The following EHD4 variants were observed in gnomAD, a reference collection of about 807,000 sequenced individuals.
EHD4 encodes EH domain-containing protein 4.
A neutral mutation model predicts 51.0 loss-of-function variants in EHD4; 37 were observed. That is an observed-to-expected ratio of 0.73 (90% CI 0.56 to 0.95). The LOEUF is 0.95. EHD4 is among the 40% of genes least tolerant of loss of function. EHD4 has a pLI of 0.00. For missense variants in EHD4, 632 were observed against 733.1 expected (o/e 0.86, Z 1.59); for synonymous variants, 297 against 317.3 (o/e 0.94, Z 0.68).
intron 5 of EHD4, among the ~76,000 whole-genome samples, chr15:41,907,935 C>T (rs576569070): frequency 1.1e-4 from 17 of 151,582 alleles, no homozygotes; most frequent in Admixed American, 4.0e-4. Flanking sequence ...TACAGCAGTG[C>T]GATCTCAGTT....
intron 1 of EHD4, among the ~76,000 whole-genome samples, chr15:41,971,255 T>C (rs1313854984): frequency 6.6e-6 from 1 of 152,216 alleles, no homozygotes; most frequent in African/African-American, 2.4e-5. Context: ...TCAACACCTG[T>C]TGCACATCAA....
At position 41,897,878 on chromosome 15, in the gene EHD4, G is replaced by C. The variant is rs1372923943; in HGVS notation, c.*2767C>G. 6.6e-6 allele frequency: 1 copy of C among 152,240 alleles called. No homozygotes were observed. The highest frequency in any genetic ancestry group is 2.1e-4 in the South Asian group (1 of 4,836). 9.4% of individuals were successfully genotyped at this position (152,240 alleles called of 1,614,324 possible). ...CTATACATAAACACTCTGTGGAAGAGGTTCTTTGAAAATTGGGGTGGTGCA... is the reference window on the plus strand; with the variant it reads ...CTATACATAAACACTCTGTGGAAGACGTTCTTTGAAAATTGGGGTGGTGCA... On this transcript the variant is annotated 3_prime_UTR_variant, in exon 6 of 6. Transcript: ENST00000220325.
chr15:41,911,028 T>G (rs2067546191), intron 4 of EHD4, among the ~76,000 whole-genome samples: 1 of 152,092 alleles, frequency 6.6e-6, no homozygotes, highest in African/African-American at 2.4e-5. Context: ...CTTGTAGAAG[T>G]TGAAATTAAA....
chr15:41,948,468 G>C (rs1204124842), intron 2 of EHD4, among the ~76,000 whole-genome samples: 1 of 152,046 alleles, frequency 6.6e-6, no homozygotes, highest in East Asian at 1.9e-4. Context: ...AACAAATCTT[G>C]AGGTTAAAGA....
intron 1 of EHD4, among the ~76,000 whole-genome samples, chr15:41,959,114 T>C (rs1055255536): frequency 7.2e-5 from 11 of 152,130 alleles, no homozygotes; most frequent in African/African-American, 2.7e-4. Flanking sequence ...TTGTGTGGGC[T>C]GGGCGTGGTG....
At chr15:41,919,152 G>C (rs2067605281) in intron 4 of EHD4, 58 bp downstream of exon 4, 2 of 1,603,874 alleles carry the variant, frequency 1.2e-6, no homozygotes, top group Non-Finnish European at 1.7e-6. Context: ...CTTGCCTCTG[G>C]AGAGGAGACA....
At chr15:41,929,546 A>C (rs2067685126) in intron 3 of EHD4, among the ~76,000 whole-genome samples, 1 of 152,232 alleles carries the variant, frequency 6.6e-6, no homozygotes, top group African/African-American at 2.4e-5. Context: ...CCAGATGAAG[A>C]AGCAGGCCCA....
intron 1 of EHD4, among the ~76,000 whole-genome samples, chr15:41,959,413 A>G (rs918064039): frequency 1.6e-5 from 2 of 123,802 alleles, no homozygotes; most frequent in African/African-American, 5.4e-5. Context: ...AAAAAAAAAA[A>G]AAAAAAAAAA....
intron 1 of EHD4, among the ~76,000 whole-genome samples, chr15:41,966,995 C>A (rs2067965796): frequency 6.6e-6 from 1 of 152,230 alleles, no homozygotes; most frequent in African/African-American, 2.4e-5. Flanking sequence ...GCCCAGATAT[C>A]TCCCTGAGCT....
chr15:41,905,474 G>A (rs1034329091), intron 5 of EHD4, among the ~76,000 whole-genome samples: 1 of 152,160 alleles, frequency 6.6e-6, no homozygotes, highest in Non-Finnish European at 1.5e-5. Context: ...CACTCACCAC[G>A]TCCTAGATGC....
chr15:41,919,251 G>T lies in EHD4; in HGVS notation c.883C>A (p.Arg295Ser). The T allele has an allele frequency of 1.9e-6, 3 of 1,614,106 alleles. No individual in the cohort carries two copies. In the East Asian group the frequency reaches 6.7e-5, roughly 36 times the overall value. The change falls in exon 4 of 6, where the codon CGC becomes AGC. Residue 295 changes from arginine to serine, a missense_variant. Physicochemically the swap from Arg to Ser is moderately radical, Grantham distance 110 (BLOSUM62 -1). Coordinates refer to ENST00000220325, the MANE Select transcript of EHD4 (RefSeq NM_139265.4). Reference sequence around the variant, plus strand: ...CGCTTGATGAGGTCGTTGAGCTTGCGCACCGCTGCCTTCTGGGGGAGGCTC... The same window carrying T: ...CGCTTGATGAGGTCGTTGAGCTTGCTCACCGCTGCCTTCTGGGGGAGGCTC... ...IQSLPQKAAV[R>S]KLNDLIKRAR...
intron 1 of EHD4, among the ~76,000 whole-genome samples, chr15:41,969,830 G>A (rs542280091): frequency 1.3e-5 from 2 of 152,308 alleles, no homozygotes; most frequent in East Asian, 1.9e-4. Flanking sequence ...ACAGCAATAA[G>A]AGAAGATTCC....
intron 2 of EHD4, among the ~76,000 whole-genome samples, chr15:41,944,551 C>T (rs959521755): frequency 6.6e-6 from 1 of 152,162 alleles, no homozygotes; most frequent in East Asian, 1.9e-4. Context: ...TGGGTATGAG[C>T]GGCCGTTACT....
At position 41,967,194 on chromosome 15, in the gene EHD4, C is replaced by A. The variant is rs376027948; in HGVS notation, c.236+5065G>T. 5.3e-5 allele frequency among the ~76,000 whole-genome samples: 8 copies of A among 152,362 alleles called. No individual in the cohort carries two copies. The East Asian group carries it at 9.6e-4, about 18-fold the overall frequency. On this transcript the variant is annotated intron_variant, in intron 1 of 5. Transcript: ENST00000220325. ...TGGGTGACACCTCCCCACCCTCACT[C>A]CCTGGCCCTCTTTGGGCAGCTAATT... is the stretch of plus-strand genomic sequence containing the variant.
chr15:41,966,162 TC>T (rs1389577212), intron 1 of EHD4, among the ~76,000 whole-genome samples: 1 of 151,712 alleles, frequency 6.6e-6, no homozygotes, highest in Non-Finnish European at 1.5e-5. Context: ...CAGGCCTCCT[TC>T]CCCCAGGCCT....
In EHD4 at chr15:41,953,927, G is replaced by C; in HGVS notation, c.250C>G (p.Gln84Glu). 3.7e-6 allele frequency: 6 copies of C among 1,612,502 alleles called. No homozygotes were observed. The highest frequency in any genetic ancestry group is 5.1e-6 in the Non-Finnish European group (6 of 1,179,590). Residue 84 changes from glutamine to glutamate, a missense_variant, in exon 2 of 6, where the codon CAG (glutamine) becomes GAG (glutamate). Transcript: ENST00000220325. ...KTTFIRYLLE[Q>E]DFPGMRIGPE... ...CCAATCCTCATGCCTGGGAAATCCT[G>C]CTCCAGTAGGTATCTGGGAGAGGGA...
In EHD4 at chr15:41,915,085, G is replaced by GACAC. The variant is rs10552371; in HGVS notation, c.924+4121_924+4124dup. On this transcript the variant is annotated intron_variant, in intron 4 of 5. Coordinates refer to ENST00000220325, the MANE Select transcript of EHD4 (RefSeq NM_139265.4). ...TTAGTACATGTGTCTCAGTCTTGGA[G>GACAC]ACACACACACACACACACACACACA... 2.4e-3 allele frequency among the ~76,000 whole-genome samples: 356 copies of GACAC among 149,666 alleles called. 3 individuals are homozygous for GACAC. The highest frequency in any genetic ancestry group is 7.6e-3 in the South Asian group (36 of 4,710).
intron 3 of EHD4, among the ~76,000 whole-genome samples, chr15:41,929,695 A>G (rs1162139087): frequency 6.6e-6 from 1 of 152,200 alleles, no homozygotes; most frequent in Non-Finnish European, 1.5e-5. Context: ...TAACAATTTC[A>G]TTCTGCTGGG....
Position 41,972,283 on chromosome 15 carries a change from C to T in EHD4, c.212G>A (p.Ser71Asn). ...CCTGATGAAGGTGGTCTTGCCGGTG[C>T]TGTACTGGCCCACCAGCAGGATCAT... is the stretch of plus-strand genomic sequence containing the variant. Reference protein sequence around the residue: ...KPMILLVGQYSTGKTTFIRYL... With the variant: ...KPMILLVGQYNTGKTTFIRYL... The change falls in exon 1 of 6, where the codon AGC becomes AAC. Residue 71 changes from serine to asparagine, a missense_variant. Transcript: ENST00000220325. 1 of 1,601,718 alleles carries T rather than the reference C, an allele frequency of 6.2e-7. No individual in the cohort carries two copies. The highest frequency in any genetic ancestry group is 8.5e-7 in the Non-Finnish European group (1 of 1,175,234).
Sources: gnomAD v4.1 joint callset for allele counts (sites outside exome capture counted in the v4.1 genomes callset) on GRCh38, gnomAD v4.1.1 for gene constraint, MANE v1.5 for transcripts, NCBI Gene and HGNC (gene_info 2026-07-23, HGNC 2026-07-21) for gene names.